Variants in SLC3A1 observed in about 807,000 individuals in gnomAD.
The protein encoded by SLC3A1 is solute carrier family 3 member 1, also known as amino acid transporter heavy chain SLC3A1.
In SLC3A1, 78 loss-of-function variants were observed where a neutral mutation model predicts 60.3. The observed-to-expected ratio is 1.29, with a 90% CI of 1.08 to 1.56. SLC3A1 has a LOEUF of 1.56. SLC3A1 is among the 40% of genes most tolerant of loss of function. The pLI is 0.00. For missense variants in SLC3A1, 1,172 were observed against 858.9 expected, an observed-to-expected ratio of 1.36 and a Z score of -4.56; for synonymous variants, 392 against 307.9, an observed-to-expected ratio of 1.27 and a Z score of -2.86.
Position 44,286,162 on chromosome 2 carries a change from G to A in SLC3A1, c.891+5G>A. On this transcript the variant is annotated splice_donor_5th_base_variant and intron_variant, in intron 4 of 9. Transcript: ENST00000260649. ...GATGTTCAAGAAGAAATAAAAGTGA[G>A]TATAGATACCCACACAGACTTCTCC... 1 of 1,613,668 alleles carries A rather than the reference G, an allele frequency of 6.2e-7. No homozygotes were observed.
At chr2:44,279,622 C>G (rs1173829931) in intron 1 of SLC3A1, among the ~76,000 whole-genome samples, 2 of 151,690 alleles carry the variant, frequency 1.3e-5, no homozygotes, top group Non-Finnish European at 2.9e-5. Context: ...GTAGTAGCCA[C>G]ATTAAAAAAA....
chr2:44,276,966 G>A (rs931816998), intron 1 of SLC3A1, among the ~76,000 whole-genome samples: 4 of 152,070 alleles, frequency 2.6e-5, no homozygotes, highest in African/African-American at 9.7e-5. Context: ...AAACAAAACA[G>A]GATGATATGA....
chr2:44,313,532 A>G (rs888998715), intron 8 of SLC3A1, among the ~76,000 whole-genome samples: 2 of 152,230 alleles, frequency 1.3e-5, no homozygotes, highest in African/African-American at 4.8e-5. Context: ...TAAACTGGCA[A>G]TAGCACATTT....
chr2:44,282,235 A>G (rs918477512), intron 3 of SLC3A1, among the ~76,000 whole-genome samples: 3 of 151,932 alleles, frequency 2.0e-5, no homozygotes, highest in Admixed American at 6.6e-5. Flanking sequence ...AATGAACCCA[A>G]TTATCTATTT....
rs189451917 is a variant in SLC3A1 at position 44,313,898 on chromosome 2, G to T, written c.1564G>T (p.Ala522Ser). Residue 522 changes from alanine to serine, a missense_variant, in exon 9 of 10, where the codon GCT becomes TCT. Transcript: ENST00000260649. ...TAGTTCAAATGCTGGTTTTTCTGAA[G>T]CTAGTAACACCTGGTTACCTACCAA... The part of the protein sequence containing the change: ...DNSSNAGFSE[A>S]SNTWLPTNSD... The T allele has an allele frequency of 9.3e-6, 15 of 1,614,086 alleles. No homozygotes were observed. The East Asian group carries it at 3.1e-4, about 34-fold the overall frequency.
At chr2:44,294,539 C>G (rs1179081350) in intron 4 of SLC3A1, among the ~76,000 whole-genome samples, 4 of 151,764 alleles carry the variant, frequency 2.6e-5, no homozygotes, top group Admixed American at 2.6e-4. Context: ...TCAATTGACT[C>G]TGGCAGCAAT....
chr2:44,320,545 T>G lies in SLC3A1; in HGVS notation c.1964T>G (p.Leu655Arg). 1 of 1,614,050 alleles carries G rather than the reference T, an allele frequency of 6.2e-7. No individual in the cohort carries two copies. Among genetic ancestry groups the G allele is most frequent in the Non-Finnish European group, 8.5e-7 (1 of 1,179,924 alleles). Residue 655 changes from leucine to arginine, a missense_variant, in exon 10 of 10, where the codon CTC (leucine) becomes CGC (arginine). Leu to Arg is a moderately radical substitution (Grantham distance 102, BLOSUM62 -2). Transcript: ENST00000260649. The part of the protein sequence containing the change: ...GLIFEHNTKN[L>R]LHRQTAFRDR... ...ATCTTTGAACACAACACGAAGAATC[T>G]CCTTCATCGCCAAACAGCTTTCAGA...
chr2:44,322,027 A>C (rs1416471985), downstream of SLC3A1: 22 of 930,924 alleles, frequency 2.4e-5, no homozygotes, highest in Non-Finnish European at 3.1e-5. Flanking sequence ...AAAAGCAAAA[A>C]CCACCATCAT....
chr2:44,303,881 TCATC>T, intron 6 of SLC3A1: 3 of 587,080 alleles, frequency 5.1e-6, no homozygotes, highest in Non-Finnish European at 9.1e-6. Flanking sequence ...GTTTCCAGCT[TCATC>T]CATGTCCCTG....
Position 44,320,399 on chromosome 2 carries a change from T to C in SLC3A1, c.1818T>C (p.Asn606=), listed in dbSNP as rs1225926574. 1 of 1,614,104 alleles carries C rather than the reference T, an allele frequency of 6.2e-7. No individual in the cohort carries two copies. The change falls in exon 10 of 10, where the codon AAT becomes AAC. Residue 606 remains asparagine, a synonymous_variant. Coordinates refer to ENST00000260649, the MANE Select transcript of SLC3A1 (RefSeq NM_000341.4). ...VLNFGESTLL[N]LHNMISGLPA... ...ATTTTGGAGAATCAACACTGTTAAA[T>C]CTACATAATATGATTTCGGGCCTTC...
At chr2:44,321,604 T>C (rs954425108), downstream of SLC3A1, 15 of 1,481,450 alleles carry the variant, frequency 1.0e-5, no homozygotes, top group African/African-American at 2.0e-4. Context: ...CTTCCAACAA[T>C]TAAGATTAAA....
intron 7 of SLC3A1, among the ~76,000 whole-genome samples, chr2:44,311,515 TCTTC>T (rs763086581): frequency 2.6e-5 from 4 of 152,164 alleles, no homozygotes; most frequent in South Asian, 2.1e-4. Context: ...GAAATCACAT[TCTTC>T]CTTTCCCAGT....
chr2:44,280,723 A>G lies in SLC3A1; in HGVS notation c.438A>G (p.Gln146=), dbSNP rs778027083. 6.2e-7 allele frequency: 1 copy of G among 1,607,562 alleles called. No homozygotes were observed. The highest frequency in any genetic ancestry group is 1.3e-5 in the African/African-American group (1 of 74,808). Residue 146 remains glutamine, a synonymous_variant, in exon 2 of 10, where the codon CAA becomes CAG. Transcript: ENST00000260649. The part of the protein sequence containing the change: ...KDGNGDLKGI[Q]DKLDYITALN... ...TTTGACTTTTTTCTTCAGGTATTCA[A>G]GATAAACTGGACTACATCACAGCTT...
chr2:44,319,971 T>G (rs1022488029), intron 9 of SLC3A1: 6 of 534,552 alleles, frequency 1.1e-5, no homozygotes, highest in Non-Finnish European at 1.7e-5. Context: ...AGCAGAGCAC[T>G]GTGCGTACTT....
At chr2:44,293,512 G>A (rs966077627) in intron 4 of SLC3A1, among the ~76,000 whole-genome samples, 5 of 90,144 alleles carry the variant, frequency 5.5e-5, no homozygotes, top group East Asian at 2.2e-4. Context: ...GCAAGACACC[G>A]TTTTAGGGGG....
chr2:44,282,477 C>G (rs1385448697), intron 3 of SLC3A1, among the ~76,000 whole-genome samples: 1 of 152,060 alleles, frequency 6.6e-6, no homozygotes, highest in Non-Finnish European at 1.5e-5. Flanking sequence ...CTGCCCCATT[C>G]CCACCCTCTT....
At chr2:44,289,573 T>A (rs1012930646) in intron 4 of SLC3A1, among the ~76,000 whole-genome samples, 13 of 152,272 alleles carry the variant, frequency 8.5e-5, no homozygotes, top group African/African-American at 2.2e-4. Context: ...GTTGTCTTTT[T>A]ACTTTCTTGA....
intron 4 of SLC3A1, among the ~76,000 whole-genome samples, chr2:44,287,277 G>T (rs1371343313): frequency 6.6e-6 from 1 of 152,086 alleles, no homozygotes; most frequent in Non-Finnish European, 1.5e-5. Context: ...AAGTGTGTAG[G>T]AGACACCTTC....
intron 7 of SLC3A1, among the ~76,000 whole-genome samples, chr2:44,305,706 G>C (rs1672138014): frequency 1.3e-5 from 2 of 151,858 alleles, no homozygotes; most frequent in South Asian, 4.2e-4. Context: ...TGGGATTATG[G>C]GCATGAGCCA....
Sources: allele counts gnomAD v4.1 joint callset (sites outside exome capture counted in the v4.1 genomes callset), GRCh38; gene constraint gnomAD v4.1.1; transcripts MANE v1.5; gene names NCBI Gene and HGNC (gene_info 2026-07-23, HGNC 2026-07-21).